The following JMJD1C variants were observed in gnomAD, a reference collection of about 807,000 sequenced individuals.
JMJD1C encodes the protein jumonji domain containing 1C.
A neutral mutation model predicts 245.3 loss-of-function variants in JMJD1C; 31 were observed. The observed-to-expected ratio is 0.13, with a 90% CI of 0.09 to 0.17. The LOEUF (loss-of-function observed/expected upper bound fraction) is 0.17. Ranked by LOEUF, JMJD1C falls within the 10% of genes least tolerant of loss-of-function variation. JMJD1C has a pLI of 1.00. For synonymous variants in JMJD1C, 1,057 were observed against 1,017.4 expected (o/e 1.04, Z -0.74); for missense variants, 2,691 against 3,000.2 (o/e 0.90, Z 2.41).
chr10:63,175,569 T>C (rs1489918435), intron 24 of JMJD1C, among the ~76,000 whole-genome samples: 1 of 152,178 alleles, frequency 6.6e-6, no homozygotes, highest in African/African-American at 2.4e-5. Context: ...GTGAGAAAGT[T>C]TCCTTGGTAA....
intron 2 of JMJD1C, among the ~76,000 whole-genome samples, chr10:63,306,153 G>C (rs1179796581): frequency 6.6e-6 from 1 of 151,844 alleles, no homozygotes; most frequent in African/African-American, 2.4e-5. Context: ...GCACTGGTGT[G>C]ATCTCGACTC....
intron 10 of JMJD1C, among the ~76,000 whole-genome samples, chr10:63,201,978 C>A (rs1240377461): frequency 2.6e-5 from 4 of 151,612 alleles, no homozygotes; most frequent in African/African-American, 4.8e-5. Flanking sequence ...ATGTTGGGGT[C>A]CAGGTGCAGT....
intron 17 of JMJD1C, among the ~76,000 whole-genome samples, chr10:63,189,650 G>A (rs1168686726): frequency 1.3e-5 from 2 of 152,086 alleles, no homozygotes; most frequent in Admixed American, 1.3e-4. Flanking sequence ...AAACTTAGAA[G>A]TACAGCCTTC....
rs1447328277 is a variant in JMJD1C, at chr10:63,264,723, G to A, written c.375C>T (p.Val125=). The part of the protein sequence containing the change: ...PLVERNIPSS[V]TAVEFLVDKQ... ...TATCTACAAGGAATTCTACTGCAGT[G>A]ACTGAACTGGGTATATTTCTTTCAA... Residue 125 remains valine (V), a synonymous_variant, in exon 3 of 26, where the codon GTC becomes GTT. Coordinates refer to ENST00000399262, the MANE Select transcript of JMJD1C (RefSeq NM_032776.3). 1 of 1,597,964 alleles carries A rather than the reference G, an allele frequency of 6.3e-7. No individual in the cohort carries two copies. Among genetic ancestry groups the A allele is most frequent in the Admixed American group, 1.7e-5 (1 of 57,894 alleles).
chr10:63,169,536 T>TG (rs1564542098), intron 24 of JMJD1C, among the ~76,000 whole-genome samples: 1 of 151,840 alleles, frequency 6.6e-6, no homozygotes, highest in African/African-American at 2.4e-5. Context: ...ATGGAGACTG[T>TG]GGGGAAAAAA....
chr10:63,333,257 C>T (rs559247458), intron 2 of JMJD1C, among the ~76,000 whole-genome samples: 1 of 152,026 alleles, frequency 6.6e-6, no homozygotes, highest in Admixed American at 6.6e-5. Context: ...CTATTTCTTG[C>T]GTATGAGAAA....
chr10:63,396,555 C>T (rs1379285527), intron 1 of JMJD1C, among the ~76,000 whole-genome samples: 1 of 152,052 alleles, frequency 6.6e-6, no homozygotes, highest in East Asian at 1.9e-4. Context: ...TGATATACAA[C>T]GGGCAATGTA....
intron 1 of JMJD1C, among the ~76,000 whole-genome samples, chr10:63,458,530 T>C (rs559654262): frequency 1.3e-5 from 2 of 151,696 alleles, no homozygotes; most frequent in South Asian, 4.2e-4. Flanking sequence ...AAAAACTATC[T>C]GAAATTAGGC....
chr10:63,447,387 GA>G (rs1340841608), intron 1 of JMJD1C, among the ~76,000 whole-genome samples: 2 of 152,038 alleles, frequency 1.3e-5, no homozygotes, highest in Non-Finnish European at 2.9e-5. Flanking sequence ...AACAGAGGAA[GA>G]AAAAAACTAT....
Position 63,167,228 on chromosome 10 carries a change from T to TTGA in JMJD1C, c.*814_*816dup, listed in dbSNP as rs1331762943. The TTGA allele has an allele frequency of 1.3e-5, 2 of 152,588 alleles. No homozygotes were observed. The highest frequency in any genetic ancestry group is 4.1e-4 in the South Asian group (2 of 4,834). 9.5% of individuals were successfully genotyped at this position (152,588 alleles called of 1,614,324 possible). On this transcript the variant is annotated 3_prime_UTR_variant, in exon 26 of 26. Transcript: ENST00000399262. ...GGAGTACTCTGGAAAAAGTCAATTT[T>TTGA]TGATAAAGTCCTTTTAATGGAAAAT...
In JMJD1C at chr10:63,465,730, C is replaced by T. The variant is rs368446517; in HGVS notation, c.-68G>A. On this transcript the variant is annotated 5_prime_UTR_variant, in exon 1 of 26. Coordinates refer to ENST00000399262, the MANE Select transcript of JMJD1C (RefSeq NM_032776.3). ...GGAACCGATGAAACCTCACTCCTAC[C>T]GGCCGCTCATGCTGAGGAGAGCGGA... is the stretch of plus-strand genomic sequence containing the variant. The T allele has an allele frequency of 1.3e-4, 204 of 1,567,074 alleles. No individual in the cohort carries two copies. In the African/African-American group the frequency reaches 2.2e-3, roughly 17 times the overall value.
At position 63,168,480 on chromosome 10, in the gene JMJD1C, T is replaced by G. The variant is rs752882287; in HGVS notation, c.7488A>C (p.Glu2496Asp). 6.2e-7 allele frequency: 1 copy of G among 1,611,208 alleles called. No homozygotes were observed. The highest frequency in any genetic ancestry group is 8.5e-7 in the Non-Finnish European group (1 of 1,178,800). Residue 2496 changes from glutamate (E) to aspartate (D), a missense_variant, in exon 25 of 26, where the codon GAA (glutamate) becomes GAC (aspartate). Transcript: ENST00000399262. ...TGATTTCTTCCTTCAAAAGTCTCAG[T>G]TCCTGTGTTAAATGAAATGACTCTA... is the stretch of plus-strand genomic sequence containing the variant. The part of the protein sequence containing the change: ...HLVESFHLTQ[E>D]LRLLKEEINY...
chr10:63,326,895 C>T (rs1941585354), intron 2 of JMJD1C, among the ~76,000 whole-genome samples: 1 of 151,930 alleles, frequency 6.6e-6, no homozygotes, highest in African/African-American at 2.4e-5. Context: ...AAAAAACAAA[C>T]AAAACCAGGG....
intron 3 of JMJD1C, among the ~76,000 whole-genome samples, chr10:63,255,052 T>C (rs1312139744): frequency 1.3e-5 from 2 of 151,310 alleles, no homozygotes; most frequent in African/African-American, 4.9e-5. Context: ...GGTTCTCCCA[T>C]GTTACCCAGT....
At chr10:63,463,046 G>A (rs1325022665) in intron 1 of JMJD1C, among the ~76,000 whole-genome samples, 1 of 151,750 alleles carries the variant, frequency 6.6e-6, no homozygotes, top group African/African-American at 2.4e-5. Context: ...GTCCTGCCTG[G>A]TGTATCCAGC....
At chr10:63,442,103 G>C (rs1433221384) in intron 1 of JMJD1C, among the ~76,000 whole-genome samples, 1 of 152,190 alleles carries the variant, frequency 6.6e-6, no homozygotes, top group Non-Finnish European at 1.5e-5. Flanking sequence ...CTGGTAAAAT[G>C]ATGTACAGAC....
chr10:63,412,487 G>C (rs1949546036), intron 1 of JMJD1C, among the ~76,000 whole-genome samples: 1 of 152,150 alleles, frequency 6.6e-6, no homozygotes, highest in South Asian at 2.1e-4. Flanking sequence ...CTCACATGGA[G>C]ATGTCAGCAT....
At chr10:63,433,974 T>A (rs906850453) in intron 1 of JMJD1C, among the ~76,000 whole-genome samples, 7 of 151,158 alleles carry the variant, frequency 4.6e-5, no homozygotes, top group African/African-American at 1.7e-4. Context: ...AGGAATCATT[T>A]CAGTTACAGC....
intron 9 of JMJD1C, 74 bp downstream of exon 9, chr10:63,208,989 T>A (rs1219790790): frequency 5.4e-6 from 7 of 1,296,844 alleles, no homozygotes; most frequent in Non-Finnish European, 7.5e-6. Flanking sequence ...TAACTTAAAA[T>A]TAACTATTTA....
Sources: allele counts gnomAD v4.1 joint callset (sites outside exome capture counted in the v4.1 genomes callset), GRCh38; gene constraint gnomAD v4.1.1; transcripts MANE v1.5; gene names NCBI Gene and HGNC (gene_info 2026-07-23, HGNC 2026-07-21).